The following RXRA variants were observed in gnomAD, a reference collection of about 807,000 sequenced individuals.
RXRA encodes retinoid X receptor alpha, also known as retinoic acid receptor RXR-alpha.
A neutral mutation model predicts 44.5 loss-of-function variants in RXRA; 5 were observed. The ratio of observed to expected loss-of-function variants is 0.11; its 90% CI spans 0.06 to 0.24. The LOEUF (loss-of-function observed/expected upper bound fraction) is 0.24, where lower values mean the gene tolerates loss of function less well. RXRA is among the 10% of genes least tolerant of loss of function. RXRA has a pLI of 1.00. For missense variants in RXRA, 412 were observed against 646.5 expected (o/e 0.64, Z 3.93); for synonymous variants, 291 against 271.4 (o/e 1.07, Z -0.71).
chr9:134,420,477 C>T (rs1451220109), intron 5 of RXRA, among the ~76,000 whole-genome samples: 1 of 152,212 alleles, frequency 6.6e-6, no homozygotes, highest in Non-Finnish European at 1.5e-5. Context: ...GGCTCGGGCC[C>T]CCAAGGGCTG....
chr9:134,347,094 CCTCT>C, intron 1 of RXRA, among the ~76,000 whole-genome samples: 1 of 150,972 alleles, frequency 6.6e-6, no homozygotes, highest in Admixed American at 6.6e-5. Context: ...GGGGTGGTGG[CCTCT>C]CTGTCCCTGT....
chr9:134,367,808 A>C (rs897550870), intron 1 of RXRA, among the ~76,000 whole-genome samples: 11 of 152,182 alleles, frequency 7.2e-5, no homozygotes, highest in Non-Finnish European at 1.3e-4. Context: ...CCTCTCCCAC[A>C]CCTGAGGGCC....
intron 1 of RXRA, among the ~76,000 whole-genome samples, chr9:134,330,195 C>T (rs1252398302): frequency 6.6e-6 from 1 of 152,216 alleles, no homozygotes; most frequent in Non-Finnish European, 1.5e-5. Context: ...CTCCCCAACC[C>T]CCAGCTGGCT....
rs1381752073 is a variant in RXRA at position 134,381,348 on chromosome 9, G to A, written c.29-20284G>A. 2.0e-5 allele frequency among the ~76,000 whole-genome samples: 3 copies of A among 152,244 alleles called. No homozygotes were observed. The East Asian group carries it at 5.8e-4, about 29-fold the overall frequency. On this transcript the variant is annotated intron_variant, in intron 1 of 9. Transcript: ENST00000481739. Reference sequence around the variant, plus strand: ...GAGTTGAGCTCAGACCTTAGCTAGTGCTGACCGCGCTGGGGCAGAGTGCTG... The same window carrying A: ...GAGTTGAGCTCAGACCTTAGCTAGTACTGACCGCGCTGGGGCAGAGTGCTG...
chr9:134,358,142 G>A (rs555071674), intron 1 of RXRA, among the ~76,000 whole-genome samples: 4 of 152,368 alleles, frequency 2.6e-5, no homozygotes, highest in Non-Finnish European at 5.9e-5. Context: ...CCCAGGCCCC[G>A]GCCACCTGCC....
In RXRA at chr9:134,417,872, C is replaced by A. The variant is rs946505595; in HGVS notation, c.780+545C>A. Among the ~76,000 whole-genome samples, 4 of 152,024 alleles carry A rather than the reference C, an allele frequency of 2.6e-5. No homozygotes were observed. Among genetic ancestry groups the A allele is most frequent in the Non-Finnish European group, 5.9e-5 (4 of 67,962 alleles). The stretch of plus-strand genomic sequence containing the variant: ...CCCAGCTGGTCACCCCCATGCTGAC[C>A]CTCCTGCCCCCTCCCACCCCAACAG... On this transcript the variant is annotated intron_variant, in intron 5 of 9. Coordinates refer to ENST00000481739, the MANE Select transcript of RXRA (RefSeq NM_002957.6). The surrounding 1 kb of genome is among the most constrained non-coding windows in gnomAD (Gnocchi z 6.1).
At chr9:134,377,529 G>A (rs572196703) in intron 1 of RXRA, among the ~76,000 whole-genome samples, 17 of 152,210 alleles carry the variant, frequency 1.1e-4, no homozygotes, top group African/African-American at 3.4e-4. Context: ...TGAAGTCTCC[G>A]TGTGTGTGTG....
intron 1 of RXRA, among the ~76,000 whole-genome samples, chr9:134,330,591 T>TTTTATTTTATAGG (rs1554746525): frequency 3.9e-5 from 6 of 152,230 alleles, no homozygotes; most frequent in Admixed American, 6.5e-5. Flanking sequence ...AGGGTGCAGC[T>TTTTATTTTATAGG]CTGTCTTTCA....
At chr9:134,411,717 C>T (rs35730235) in intron 4 of RXRA, among the ~76,000 whole-genome samples, 1,877 of 152,348 alleles carry the variant, frequency 0.012, 40 homozygotes, top group African/African-American at 0.043. Flanking sequence ...GCGCTCTCGC[C>T]CCAAACACAG....
intron 1 of RXRA, among the ~76,000 whole-genome samples, chr9:134,331,120 C>T (rs992748380): frequency 8.5e-5 from 13 of 152,282 alleles, no homozygotes; most frequent in East Asian, 1.9e-4. Flanking sequence ...GGAGAGCGCT[C>T]GCTGCTGCTG....
intron 1 of RXRA, among the ~76,000 whole-genome samples, chr9:134,360,370 C>T (rs1220359599): frequency 2.6e-5 from 4 of 152,202 alleles, no homozygotes; most frequent in East Asian, 1.9e-4. Flanking sequence ...GGGAGCCTGC[C>T]GTGCCCAGGC....
chr9:134,415,580 C>T (rs1831220510), intron 4 of RXRA, among the ~76,000 whole-genome samples: 2 of 152,060 alleles, frequency 1.3e-5, no homozygotes, highest in African/African-American at 4.8e-5. Flanking sequence ...TGAGCCCCGC[C>T]ACAGGCCCAG....
intron 1 of RXRA, among the ~76,000 whole-genome samples, chr9:134,371,220 G>A (rs932440539): frequency 6.6e-6 from 1 of 152,184 alleles, no homozygotes; most frequent in South Asian, 2.1e-4. Flanking sequence ...GCTGAGTGGG[G>A]TCCTTGCTGC....
chr9:134,382,987 G>A (rs989477820), intron 1 of RXRA, among the ~76,000 whole-genome samples: 2 of 152,188 alleles, frequency 1.3e-5, no homozygotes, highest in African/African-American at 4.8e-5. Context: ...GGCCCAGAAG[G>A]GGCTGCAGTG....
chr9:134,371,318 C>T (rs576019427), intron 1 of RXRA, among the ~76,000 whole-genome samples: 2 of 152,302 alleles, frequency 1.3e-5, no homozygotes, highest in Admixed American at 6.5e-5. Flanking sequence ...GGGGACCAGT[C>T]GTCTAGAGCC....
chr9:134,358,565 G>A (rs994516615), intron 1 of RXRA, among the ~76,000 whole-genome samples: 1 of 152,228 alleles, frequency 6.6e-6, no homozygotes, highest in Non-Finnish European at 1.5e-5. Flanking sequence ...GAACTGACAA[G>A]GTCTTGTTCC....
rs116087481 is a variant in RXRA, at chr9:134,343,420, G to C, written c.28+16761G>C. On this transcript the variant is annotated intron_variant, in intron 1 of 9. Transcript: ENST00000481739. This position sits in a 1 kb window ranked among gnomAD's most constrained non-coding sequence, Gnocchi z 4.1. ...GGGGTTCATGCAGGATTGCCCGTCA[G>C]CATCCTGCAGCCCCTGGAATAGGGG... Among the ~76,000 whole-genome samples the C allele has an allele frequency of 7.8e-4, 119 of 152,262 alleles. No homozygotes were observed. Among genetic ancestry groups the C allele is most frequent in the African/African-American group, 2.6e-3 (108 of 41,548 alleles).
At chr9:134,327,295 C>G (rs563414390) in intron 1 of RXRA, among the ~76,000 whole-genome samples, 8 of 152,294 alleles carry the variant, frequency 5.3e-5, no homozygotes, top group Non-Finnish European at 8.8e-5. Flanking sequence ...GGGTGTTCTC[C>G]CAGGCTGGCT....
chr9:134,438,842 CGCTG>C lies in RXRA; in HGVS notation c.*2249_*2252del, dbSNP rs55645907. ...TTCTTGGGAACTTTGTCGTTTCCGG[CGCTG>C]GCTGGCTGGCTGGCTGGCTGTAAAG... On this transcript the variant is annotated 3_prime_UTR_variant, in exon 10 of 10. Coordinates refer to ENST00000481739, the MANE Select transcript of RXRA (RefSeq NM_002957.6). The C allele has an allele frequency of 0.97, 147,798 of 151,994 alleles. 71,923 individuals are homozygous for C. The highest frequency in any genetic ancestry group is 1 in the East Asian group (5,118 of 5,124). 9.4% of individuals were successfully genotyped at this position (151,994 alleles called of 1,614,324 possible). A position where few individuals can be genotyped will look rare whatever the true frequency, so the allele number is the denominator to read the frequency against.
Sources: allele counts gnomAD v4.1 joint callset (sites outside exome capture counted in the v4.1 genomes callset), GRCh38; gene constraint gnomAD v4.1.1; non-coding constraint Gnocchi (gnomAD v3.1); transcripts MANE v1.5; gene names NCBI Gene and HGNC (gene_info 2026-07-23, HGNC 2026-07-21).